The following NCKAP5 variants were observed in gnomAD, a reference collection of about 807,000 sequenced individuals.
The protein encoded by NCKAP5 is NCK associated protein 5.
A neutral mutation model predicts 167.0 loss-of-function variants in NCKAP5; 92 were observed. The ratio of observed to expected loss-of-function variants is 0.55; its 90% CI spans 0.47 to 0.66. NCKAP5 has a LOEUF of 0.66. NCKAP5 is among the 30% of genes least tolerant of loss of function. The probability of loss-of-function intolerance (pLI) is 0.00; values close to 1 mark genes in which losing one functional copy is unlikely to be tolerated. For synonymous variants in NCKAP5, 891 were observed against 877.4 expected, an observed-to-expected ratio of 1.02 and a Z score of -0.27; for missense variants, 2,378 against 2,315.0, an observed-to-expected ratio of 1.03 and a Z score of -0.56.
intron 5 of NCKAP5, among the ~76,000 whole-genome samples, chr2:133,177,559 A>G (rs2084524641): frequency 6.6e-6 from 1 of 152,008 alleles, no homozygotes; most frequent in Admixed American, 6.5e-5. Flanking sequence ...ATCCTGACCT[A>G]AGCTCTCACC....
intron 8 of NCKAP5, among the ~76,000 whole-genome samples, chr2:132,932,736 C>T (rs977092767): frequency 1.3e-5 from 2 of 152,040 alleles, no homozygotes; most frequent in Non-Finnish European, 2.9e-5. Flanking sequence ...GAACTCACTG[C>T]TTAAAGAACA....
chr2:132,711,051 C>T lies in NCKAP5; in HGVS notation c.5713+14576G>A, dbSNP rs191584388. On this transcript the variant is annotated intron_variant, in intron 19 of 19. Coordinates refer to ENST00000409261, the MANE Select transcript of NCKAP5 (RefSeq NM_207363.3). The stretch of plus-strand genomic sequence containing the variant: ...TGTTTGTTAGGTACCTCCTGCGTGC[C>T]GGGCACTGTTCTAGGCACTAGTGAC... 6.6e-5 allele frequency among the ~76,000 whole-genome samples: 10 copies of T among 152,240 alleles called. No homozygotes were observed. In the East Asian group the frequency reaches 1.4e-3, roughly 21 times the overall value.
intron 6 of NCKAP5, among the ~76,000 whole-genome samples, chr2:133,091,896 T>C (rs2081197576): frequency 6.6e-6 from 1 of 151,942 alleles, no homozygotes. Flanking sequence ...CAAAGAAAAA[T>C]AAATAAATAA....
intron 8 of NCKAP5, among the ~76,000 whole-genome samples, chr2:132,881,049 A>G (rs1010007863): frequency 2.0e-5 from 3 of 152,174 alleles, no homozygotes; most frequent in Non-Finnish European, 4.4e-5. Context: ...AGTTTCACCA[A>G]TTGTCCCAAT....
intron 4 of NCKAP5, among the ~76,000 whole-genome samples, chr2:133,240,472 A>G (rs2087638541): frequency 6.6e-6 from 1 of 152,156 alleles, no homozygotes; most frequent in Non-Finnish European, 1.5e-5. Context: ...CCCCCAAAGT[A>G]GCTGCATAAC....
intron 8 of NCKAP5, among the ~76,000 whole-genome samples, chr2:132,913,189 G>A (rs921461985): frequency 1.3e-5 from 2 of 151,932 alleles, no homozygotes; most frequent in African/African-American, 4.8e-5. Context: ...TCCACCATGT[G>A]CCAAGTTCCT....
chr2:133,388,838 G>A (rs184567610), intron 3 of NCKAP5, among the ~76,000 whole-genome samples: 85 of 152,350 alleles, frequency 5.6e-4, no homozygotes, highest in African/African-American at 1.9e-3. Context: ...TCCGAGCCAG[G>A]TGTGGGATAT....
At chr2:133,500,969 C>T (rs1211555706) in intron 3 of NCKAP5, among the ~76,000 whole-genome samples, 1 of 152,222 alleles carries the variant, frequency 6.6e-6, no homozygotes, top group Non-Finnish European at 1.5e-5. Flanking sequence ...ACTTTGATGG[C>T]TGGAACCTTG....
intron 4 of NCKAP5, among the ~76,000 whole-genome samples, chr2:133,272,287 A>G (rs2089549769): frequency 6.6e-6 from 1 of 152,110 alleles, no homozygotes; most frequent in Non-Finnish European, 1.5e-5. Context: ...AGAGAACACA[A>G]ATCAATACAG....
At chr2:132,691,996 T>C (rs545075580) in intron 19 of NCKAP5, among the ~76,000 whole-genome samples, 75 of 152,264 alleles carry the variant, frequency 4.9e-4, no homozygotes, top group African/African-American at 1.8e-3. Context: ...TTTCTTTCCT[T>C]TCTTTACCTC....
chr2:133,407,833 G>A (rs1688533758), intron 3 of NCKAP5, among the ~76,000 whole-genome samples: 1 of 152,190 alleles, frequency 6.6e-6, no homozygotes, highest in Non-Finnish European at 1.5e-5. Flanking sequence ...ATTTACGAGT[G>A]GGCTTGATAT....
chr2:132,770,413 A>G (rs940116705), intron 16 of NCKAP5, among the ~76,000 whole-genome samples: 5 of 148,098 alleles, frequency 3.4e-5, no homozygotes, highest in African/African-American at 9.8e-5. Context: ...TATAACATAT[A>G]TAATAATATA....
intron 15 of NCKAP5, among the ~76,000 whole-genome samples, chr2:132,780,085 T>A (rs2105008312): frequency 6.6e-6 from 1 of 152,326 alleles, no homozygotes; most frequent in South Asian, 2.1e-4. Context: ...TTAAGGTAAT[T>A]TTAAAACAAA....
intron 8 of NCKAP5, among the ~76,000 whole-genome samples, chr2:132,942,131 A>T (rs1697345461): frequency 6.6e-6 from 1 of 152,250 alleles, no homozygotes; most frequent in African/African-American, 2.4e-5. Flanking sequence ...TTTGATAAAC[A>T]TATCTTAATT....
At position 132,765,312 on chromosome 2, in the gene NCKAP5, T is replaced by C. The variant is rs866011937; in HGVS notation, c.5128+8504A>G. On this transcript the variant is annotated intron_variant, in intron 16 of 19. Coordinates refer to ENST00000409261, the MANE Select transcript of NCKAP5 (RefSeq NM_207363.3). ...TTCCTATGGATTTCTTTCTTTCTTT[T>C]TTTTTTTTTTTTTTTTTGAGACGGA... 2.0e-3 allele frequency among the ~76,000 whole-genome samples: 288 copies of C among 146,396 alleles called. 1 individual carries two copies. The highest frequency in any genetic ancestry group is 3.2e-3 in the Non-Finnish European group (215 of 66,402).
At position 133,558,704 on chromosome 2, in the gene NCKAP5, C is replaced by CAAAAAAAAAAAAAAAAAAAA. The variant is rs60051493; in HGVS notation, c.-62+326_-62+345dup. On this transcript the variant is annotated intron_variant, in intron 2 of 19. Transcript: ENST00000409261. The stretch of plus-strand genomic sequence containing the variant: ...ACATAAACAGATGCAATGTGCTGAG[C>CAAAAAAAAAAAAAAAAAAAA]AAAAAAAAAAAAAAAAAAAAAAGCC... Among the ~76,000 whole-genome samples, 25 of 50,864 alleles carry CAAAAAAAAAAAAAAAAAAAA rather than the reference C, an allele frequency of 4.9e-4. 5 individuals carry two copies. Among genetic ancestry groups the CAAAAAAAAAAAAAAAAAAAA allele is most frequent in the East Asian group, 2.2e-3 (3 of 1,378 alleles). 33.4% of individuals were successfully genotyped at this position (50,864 alleles called of 152,430 possible). A position where few individuals can be genotyped will look rare whatever the true frequency, so the allele number is the denominator to read the frequency against.
chr2:133,001,454 C>T (rs2077778300), intron 6 of NCKAP5, among the ~76,000 whole-genome samples: 1 of 152,092 alleles, frequency 6.6e-6, no homozygotes, highest in Admixed American at 6.6e-5. Flanking sequence ...TCCTGAGCTT[C>T]ATGCCTCAGC....
intron 5 of NCKAP5, among the ~76,000 whole-genome samples, chr2:133,179,484 G>GA: frequency 6.6e-6 from 1 of 152,040 alleles, no homozygotes. Context: ...TAAGTGAATG[G>GA]AAAAAGACAA....
chr2:133,452,459 G>T (rs1487441151), intron 3 of NCKAP5, among the ~76,000 whole-genome samples: 1 of 152,066 alleles, frequency 6.6e-6, no homozygotes, highest in Non-Finnish European at 1.5e-5. Context: ...TAGACCTATG[G>T]CTGATAATAT....
Sources: gnomAD v4.1 joint callset for allele counts (sites outside exome capture counted in the v4.1 genomes callset) on GRCh38, gnomAD v4.1.1 for gene constraint, MANE v1.5 for transcripts, NCBI Gene and HGNC (gene_info 2026-07-23, HGNC 2026-07-21) for gene names.